Variants in PHLDB2 observed in about 807,000 individuals in gnomAD.
PHLDB2 encodes pleckstrin homology like domain family B member 2.
Under a neutral mutation model 123.6 loss-of-function variants are expected in PHLDB2, and 71 were observed. That is an observed-to-expected ratio of 0.57 (90% CI 0.47 to 0.70). PHLDB2 has a LOEUF of 0.70. PHLDB2 is among the 30% of genes least tolerant of loss of function. PHLDB2 has a pLI of 0.00. For synonymous variants in PHLDB2, 547 were observed against 541.6 expected, an observed-to-expected ratio of 1.01 and a Z score of -0.14; for missense variants, 1,446 against 1,519.5, an observed-to-expected ratio of 0.95 and a Z score of 0.80.
intron 9 of PHLDB2, among the ~76,000 whole-genome samples, chr3:111,947,536 G>A (rs2070394589): frequency 6.6e-6 from 1 of 151,972 alleles, no homozygotes; most frequent in African/African-American, 2.4e-5. Flanking sequence ...AGGTTTTAAA[G>A]CAGTTTACAT....
intron 5 of PHLDB2, among the ~76,000 whole-genome samples, chr3:111,931,373 C>T (rs1479509803): frequency 1.3e-5 from 2 of 152,182 alleles, no homozygotes; most frequent in Admixed American, 6.5e-5. Context: ...TAAGAGGTAG[C>T]ATTGTAAAGC....
At chr3:111,969,599 G>GT in intron 15 of PHLDB2, 91 bp from the exon 16 acceptor site, 1 of 1,025,136 alleles carries the variant, frequency 9.8e-7, no homozygotes, top group Non-Finnish European at 1.4e-6. Flanking sequence ...TAAAGCTTAG[G>GT]TTTTACAGTT....
intron 1 of PHLDB2, among the ~76,000 whole-genome samples, chr3:111,750,994 G>C (rs2059762134): frequency 6.7e-6 from 1 of 150,284 alleles, no homozygotes; most frequent in Non-Finnish European, 1.5e-5. Context: ...CTGCCCTATT[G>C]AACCATATAT....
At chr3:111,857,720 T>C (rs909110894), upstream of PHLDB2, among the ~76,000 whole-genome samples, 8 of 152,106 alleles carry the variant, frequency 5.3e-5, no homozygotes, top group Non-Finnish European at 1.2e-4. Context: ...TCATCACTAG[T>C]CATTACAGAA....
chr3:111,739,791 T>C (rs1161172144), intron 1 of PHLDB2, among the ~76,000 whole-genome samples: 1 of 151,806 alleles, frequency 6.6e-6, no homozygotes, highest in East Asian at 1.9e-4. Context: ...CTATTTGTAA[T>C]GAAGAGAGGG....
intron 2 of PHLDB2, among the ~76,000 whole-genome samples, chr3:111,848,755 G>A (rs544432655): frequency 4.6e-5 from 7 of 152,338 alleles, no homozygotes; most frequent in African/African-American, 1.4e-4. Flanking sequence ...TCTGGTGACA[G>A]TGGTACAGTA....
At chr3:111,964,660 C>T (rs552943092) in intron 13 of PHLDB2, among the ~76,000 whole-genome samples, 10 of 152,142 alleles carry the variant, frequency 6.6e-5, no homozygotes, top group African/African-American at 2.4e-4. Context: ...GTAATCATTG[C>T]ACAATGTATG....
chr3:111,906,276 A>G (rs1436587023), intron 2 of PHLDB2, among the ~76,000 whole-genome samples: 1 of 152,266 alleles, frequency 6.6e-6, no homozygotes, highest in Non-Finnish European at 1.5e-5. Flanking sequence ...CCCATTGTTA[A>G]GCAACACATA....
Position 111,932,572 on chromosome 3 carries a change from T to C in PHLDB2, c.2130+175T>C, listed in dbSNP as rs149448945. Among the ~76,000 whole-genome samples the C allele has an allele frequency of 3.1e-3, 471 of 152,332 alleles. 7 individuals are homozygous for C. Among genetic ancestry groups the C allele is most frequent in the Non-Finnish European group, 6.5e-4 (44 of 68,026 alleles). ...AACAGTATATATTATTCCATGCTAATCAGTTTTTAAAATTCCTTGTTAGAA... is the reference window on the plus strand; with the variant it reads ...AACAGTATATATTATTCCATGCTAACCAGTTTTTAAAATTCCTTGTTAGAA... On this transcript the variant is annotated intron_variant, in intron 6 of 17. Transcript: ENST00000431670.
chr3:111,851,259 T>A (rs1349935969), intron 2 of PHLDB2, among the ~76,000 whole-genome samples: 1 of 147,074 alleles, frequency 6.8e-6, no homozygotes, highest in African/African-American at 2.5e-5. Context: ...AGAGAAGCAA[T>A]GACATTGCCC....
At chr3:111,855,720 C>T (rs1035027882), upstream of PHLDB2, among the ~76,000 whole-genome samples, 8 of 146,470 alleles carry the variant, frequency 5.5e-5, no homozygotes, top group Admixed American at 2.1e-4. Flanking sequence ...CACCCAGCCT[C>T]GAATTCTCAG....
At chr3:111,811,761 T>A (rs1043884826) in intron 1 of PHLDB2, among the ~76,000 whole-genome samples, 1 of 152,184 alleles carries the variant, frequency 6.6e-6, no homozygotes, top group Non-Finnish European at 1.5e-5. Context: ...ATATTAGGCC[T>A]ACATTCCTGA....
At chr3:111,958,658 T>A in intron 12 of PHLDB2, 2 of 453,988 alleles carry the variant, frequency 4.4e-6, no homozygotes, top group Non-Finnish European at 8.8e-6. Flanking sequence ...TTATACACCT[T>A]ATAAACTACC....
At chr3:111,945,207 C>A in intron 8 of PHLDB2, 61 bp from the exon 9 acceptor site, 1 of 1,104,988 alleles carries the variant, frequency 9.0e-7, no homozygotes, top group Non-Finnish European at 1.4e-6. Context: ...GCAAAGTCAC[C>A]ATGCTTCTCA....
chr3:111,753,138 A>T (rs2059814066), intron 1 of PHLDB2, among the ~76,000 whole-genome samples: 1 of 150,748 alleles, frequency 6.6e-6, no homozygotes, highest in African/African-American at 2.4e-5. Flanking sequence ...TAGCAGCATG[A>T]TTTATAGTCC....
At chr3:111,853,631 TTTGGAAGGC>T in intron 2 of PHLDB2, among the ~76,000 whole-genome samples, 1 of 152,132 alleles carries the variant, frequency 6.6e-6, no homozygotes, top group South Asian at 2.1e-4. Context: ...ATCCCAGCAC[TTTGGAAGGC>T]CGAGGTGGGT....
upstream of PHLDB2, among the ~76,000 whole-genome samples, chr3:111,856,267 C>G (rs1026667717): frequency 1.3e-5 from 2 of 152,150 alleles, no homozygotes; most frequent in Admixed American, 6.5e-5. Flanking sequence ...TGGAATTATT[C>G]ATTATACAGA....
rs111346468 is a variant in PHLDB2, at chr3:111,903,381, A to G, written c.1336-9938A>G. 9.0e-3 allele frequency among the ~76,000 whole-genome samples: 1,375 copies of G among 152,204 alleles called. 27 individuals carry two copies. Among genetic ancestry groups the G allele is most frequent in the African/African-American group, 0.031 (1,274 of 41,518 alleles). ...GGTGAGCGTGGGAGGACCAAATGAC[A>G]AGATGCCTTTCTCCCCAGGTTACTA... On this transcript the variant is annotated intron_variant, in intron 2 of 17. Transcript: ENST00000431670.
At chr3:111,767,412 GACACCAAACTAGTGAATCAAATATC>G (rs1294548335) in intron 1 of PHLDB2, among the ~76,000 whole-genome samples, 1 of 152,158 alleles carries the variant, frequency 6.6e-6, no homozygotes, top group Non-Finnish European at 1.5e-5. Context: ...GTAGATTGTT[GACACCAAACTAGTGAATCAAATATC>G]TGATGACATA....
Sources: allele counts gnomAD v4.1 joint callset (sites outside exome capture counted in the v4.1 genomes callset), GRCh38; gene constraint gnomAD v4.1.1; transcripts MANE v1.5; gene names NCBI Gene and HGNC (gene_info 2026-07-23, HGNC 2026-07-21).